ZFHX3: variants seen among roughly 807,000 people sequenced by gnomAD.
ZFHX3 encodes zinc finger homeobox protein 3.
Under a neutral mutation model 279.1 loss-of-function variants are expected in ZFHX3, and 42 were observed. The ratio of observed to expected loss-of-function variants is 0.15; its 90% CI spans 0.12 to 0.19. ZFHX3 has a LOEUF of 0.19. Among genes scored for constraint, ZFHX3 ranks in the 10% least tolerant of loss-of-function variants. The pLI is 1.00. For missense variants in ZFHX3, 4,981 were observed against 4,754.0 expected, an observed-to-expected ratio of 1.05 and a Z score of -1.40; for synonymous variants, 2,293 against 1,957.8, an observed-to-expected ratio of 1.17 and a Z score of -4.52.
chr16:73,526,909 C>A (rs1006233851), intron 2 of ZFHX3, among the ~76,000 whole-genome samples: 2 of 151,674 alleles, frequency 1.3e-5, no homozygotes, highest in East Asian at 3.9e-4. Context: ...TCTTTGATTA[C>A]ATTTACTATA....
chr16:73,863,408 G>C (rs998048279), intron 1 of ZFHX3, among the ~76,000 whole-genome samples: 1 of 152,036 alleles, frequency 6.6e-6, no homozygotes, highest in African/African-American at 2.4e-5. Flanking sequence ...ACGCCAAAAG[G>C]AAACACCCTT....
chr16:73,752,252 T>C (rs181556578), intron 1 of ZFHX3, among the ~76,000 whole-genome samples: 63 of 152,308 alleles, frequency 4.1e-4, no homozygotes, highest in African/African-American at 1.3e-3. Flanking sequence ...GACCTCCTTT[T>C]GATTTCAGCT....
intron 1 of ZFHX3, among the ~76,000 whole-genome samples, chr16:73,777,056 A>C (rs1194393412): frequency 6.6e-6 from 1 of 152,284 alleles, no homozygotes. Context: ...CTATTTCACA[A>C]GCTAGCATCA....
At chr16:73,416,094 C>T (rs561426558) in intron 3 of ZFHX3, among the ~76,000 whole-genome samples, 3 of 146,690 alleles carry the variant, frequency 2.0e-5, no homozygotes, top group African/African-American at 7.7e-5. Context: ...TGCACTCCAG[C>T]CTGGACAACA....
At chr16:73,035,853 G>A (rs975501621) in intron 1 of ZFHX3, among the ~76,000 whole-genome samples, 12 of 152,232 alleles carry the variant, frequency 7.9e-5, no homozygotes, top group African/African-American at 2.9e-4. Context: ...ACAGTGAGCT[G>A]AGATTGTGCC....
intron 5 of ZFHX3, among the ~76,000 whole-genome samples, chr16:73,162,022 C>A (rs886794508): frequency 2.0e-5 from 3 of 152,166 alleles, no homozygotes; most frequent in African/African-American, 7.2e-5. Flanking sequence ...GGAGAATGAC[C>A]AAATCTCAGT....
chr16:73,063,607 AC>A (rs911186829), upstream of ZFHX3, among the ~76,000 whole-genome samples: 12 of 148,608 alleles, frequency 8.1e-5, no homozygotes, highest in East Asian at 2.0e-4. Flanking sequence ...AGTAAAAATC[AC>A]CCCCCCTCCC....
At chr16:73,653,124 A>C (rs1176165837) in intron 2 of ZFHX3, among the ~76,000 whole-genome samples, 1 of 152,196 alleles carries the variant, frequency 6.6e-6, no homozygotes, top group African/African-American at 2.4e-5. Flanking sequence ...ATTGACAAAG[A>C]ATGTTACTTT....
chr16:73,571,270 C>T (rs1002824585), intron 2 of ZFHX3, among the ~76,000 whole-genome samples: 3 of 151,944 alleles, frequency 2.0e-5, no homozygotes, highest in African/African-American at 7.3e-5. Flanking sequence ...ATATACCGCT[C>T]CTACCTCCCA....
At chr16:73,755,787 A>T (rs747996368) in intron 1 of ZFHX3, among the ~76,000 whole-genome samples, 2 of 152,218 alleles carry the variant, frequency 1.3e-5, no homozygotes, top group Non-Finnish European at 2.9e-5. Context: ...TCGGCAAGAG[A>T]TTAATCCATA....
At chr16:73,184,926 C>A (rs937800198) in intron 5 of ZFHX3, among the ~76,000 whole-genome samples, 1 of 151,904 alleles carries the variant, frequency 6.6e-6, no homozygotes, top group African/African-American at 2.4e-5. Context: ...CTGGTGAGAT[C>A]GGCAGGGCCG....
chr16:73,330,847 G>A (rs915184854), intron 3 of ZFHX3, among the ~76,000 whole-genome samples: 3 of 152,204 alleles, frequency 2.0e-5, no homozygotes, highest in Non-Finnish European at 4.4e-5. Flanking sequence ...CTGAAAGGAA[G>A]AGTAACATCA....
chr16:73,449,886 A>G (rs1303666256), intron 3 of ZFHX3, among the ~76,000 whole-genome samples: 4 of 152,050 alleles, frequency 2.6e-5, no homozygotes, highest in African/African-American at 9.7e-5. Context: ...TTCTGGCAAA[A>G]AAAAATGTTT....
At chr16:73,369,215 A>G (rs2016580046) in intron 3 of ZFHX3, among the ~76,000 whole-genome samples, 1 of 152,202 alleles carries the variant, frequency 6.6e-6, no homozygotes, top group Admixed American at 6.5e-5. Context: ...AATACTTTCT[A>G]CTTGCCAGCA....
At chr16:73,612,830 C>T (rs1050497448) in intron 2 of ZFHX3, among the ~76,000 whole-genome samples, 15 of 151,566 alleles carry the variant, frequency 9.9e-5, no homozygotes, top group South Asian at 2.1e-4. Flanking sequence ...ACACTGTAAA[C>T]GTGGCAAAAT....
At chr16:73,397,469 G>A (rs1269553608) in intron 3 of ZFHX3, among the ~76,000 whole-genome samples, 1 of 152,134 alleles carries the variant, frequency 6.6e-6, no homozygotes, top group East Asian at 1.9e-4. Context: ...GTATAGGCAT[G>A]GGTGTGTAGA....
chr16:72,840,792 G>C (rs2037327117), intron 4 of ZFHX3, among the ~76,000 whole-genome samples: 1 of 152,174 alleles, frequency 6.6e-6, no homozygotes, highest in South Asian at 2.1e-4. Context: ...GACTGTCAAT[G>C]AGCTTTGTTT....
At position 73,143,709 on chromosome 16, in the gene ZFHX3, A is replaced by G. The variant is rs1184564983; in HGVS notation, c.-1024+43T>C. 3.9e-6 allele frequency: 5 copies of G among 1,284,860 alleles called. No individual in the cohort carries two copies. The South Asian group carries it at 5.0e-5, about 13-fold the overall frequency. 79.6% of individuals were successfully genotyped at this position (1,284,860 alleles called of 1,614,324 possible). ...TTTTGACTGCGTTAACTCACCTGGT[A>G]TAACATTTTCTTTCATTGAGAAACA... On this transcript the variant is annotated intron_variant, in intron 6 of 17. Coordinates refer to the ZFHX3 transcript ENST00000641206.
intron 8 of ZFHX3, among the ~76,000 whole-genome samples, chr16:73,070,925 C>G (rs917185957): frequency 6.1e-5 from 2 of 32,912 alleles, no homozygotes; most frequent in African/African-American, 8.0e-5. Context: ...TGCGCGCGCG[C>G]GCGCGCGCGC....
Sources: gnomAD v4.1 joint callset for allele counts (sites outside exome capture counted in the v4.1 genomes callset) on GRCh38, gnomAD v4.1.1 for gene constraint, MANE v1.5 for transcripts, NCBI Gene and HGNC (gene_info 2026-07-23, HGNC 2026-07-21) for gene names.